The following FAM83G variants were observed in gnomAD, a reference collection of about 807,000 sequenced individuals.
FAM83G encodes the protein protein FAM83G.
A neutral mutation model predicts 61.5 loss-of-function variants in FAM83G; 38 were observed. The ratio of observed to expected loss-of-function variants is 0.62; its 90% CI spans 0.48 to 0.81. FAM83G has a LOEUF of 0.81. Among genes scored for constraint, FAM83G ranks in the 30% least tolerant of loss-of-function variants. FAM83G has a pLI of 0.00. For synonymous variants in FAM83G, 470 were observed against 476.1 expected, an observed-to-expected ratio of 0.99 and a Z score of 0.17; for missense variants, 989 against 1,133.6, an observed-to-expected ratio of 0.87 and a Z score of 1.83.
chr17:18,994,687 T>A (rs2472711), intron 2 of FAM83G, among the ~76,000 whole-genome samples: 1 of 151,776 alleles, frequency 6.6e-6, no homozygotes, highest in Non-Finnish European at 1.5e-5. Context: ...CTGCAGGGGG[T>A]GTCCTCAGAA....
At chr17:18,993,207 A>G (rs143152501) in intron 2 of FAM83G, among the ~76,000 whole-genome samples, 1 of 152,054 alleles carries the variant, frequency 6.6e-6, no homozygotes, top group East Asian at 1.9e-4. Context: ...CCTCTCCCCG[A>G]CGCGTCCTGC....
In FAM83G at chr17:18,969,150, C is replaced by G; in HGVS notation, c.*2209G>C. The G allele has an allele frequency of 6.2e-7, 1 of 1,613,692 alleles. No individual in the cohort carries two copies. ...CGCTCGGCATCACAGCCCTGTACAC[C>G]ATCGCAGGTATGGTGCCTGCAGCAG... On this transcript the variant is annotated 3_prime_UTR_variant, in exon 6 of 6. Transcript: ENST00000388995.
In FAM83G at chr17:19,004,054, C is replaced by T. The variant is rs746038121; in HGVS notation, c.-13G>A. The stretch of plus-strand genomic sequence containing the variant: ...GAGAGAAGGCCATGGCGCCGCCTGC[C>T]CGGGCACTGCTGCCGGGGGTGGGTG... On this transcript the variant is annotated 5_prime_UTR_variant, in exon 2 of 6. Coordinates refer to ENST00000388995, the MANE Select transcript of FAM83G (RefSeq NM_001039999.3). This position sits in a 1 kb window ranked among gnomAD's most constrained non-coding sequence, Gnocchi z 5.4. 13 of 1,569,002 alleles carry T rather than the reference C, an allele frequency of 8.3e-6. No individual in the cohort carries two copies. Among genetic ancestry groups the T allele is most frequent in the Non-Finnish European group, 1.1e-5 (13 of 1,155,732 alleles).
At chr17:18,982,815 C>A (rs965183148) in intron 3 of FAM83G, among the ~76,000 whole-genome samples, 1 of 152,234 alleles carries the variant, frequency 6.6e-6, no homozygotes, top group Non-Finnish European at 1.5e-5. Flanking sequence ...CATTCCTGAG[C>A]TCCAGTCAAA....
chr17:18,991,120 G>C (rs915861829), intron 2 of FAM83G, among the ~76,000 whole-genome samples: 8 of 152,250 alleles, frequency 5.3e-5, no homozygotes, highest in African/African-American at 1.9e-4. Context: ...CTGAAGCACA[G>C]AGGCATTCGC....
intron 2 of FAM83G, among the ~76,000 whole-genome samples, chr17:18,993,420 G>A (rs1052158783): frequency 1.3e-5 from 2 of 152,160 alleles, no homozygotes; most frequent in Non-Finnish European, 2.9e-5. Flanking sequence ...GGACTGAGTC[G>A]CAAGACTCGG....
At chr17:18,999,613 C>A (rs992890809) in intron 2 of FAM83G, among the ~76,000 whole-genome samples, 7 of 152,226 alleles carry the variant, frequency 4.6e-5, no homozygotes, top group African/African-American at 1.7e-4. Flanking sequence ...TGGCGCGGGG[C>A]TGGCATTTAG....
In FAM83G at chr17:19,004,139, C is replaced by T; in HGVS notation, c.-98G>A. On this transcript the variant is annotated 5_prime_UTR_variant, in exon 2 of 6. Coordinates refer to ENST00000388995, the MANE Select transcript of FAM83G (RefSeq NM_001039999.3). The surrounding 1 kb of genome is among the most constrained non-coding windows in gnomAD (Gnocchi z 5.4). The stretch of plus-strand genomic sequence containing the variant: ...GGCACCGCGCGCTCGGGGGCCTCTC[C>T]GCGGCCTCTGCTTCTCTGCCCATGA... 2 of 1,215,882 alleles carry T rather than the reference C, an allele frequency of 1.6e-6. No homozygotes were observed. The highest frequency in any genetic ancestry group is 2.5e-5 in the East Asian group (1 of 40,272). The allele number at this position is 1,215,882 out of a possible 1,614,324, so 75.3% of individuals were successfully genotyped here. A position where few individuals can be genotyped will look rare whatever the true frequency, so the allele number is the denominator to read the frequency against.
chr17:19,004,167 A>C lies in FAM83G; in HGVS notation c.-126T>G. ...GGCCTCTGCTTCTCTGCCCATGAGC[A>C]ATCTGCGGGAAAGACCTGATGAGCC... On this transcript the variant is annotated splice_region_variant and 5_prime_UTR_variant, in exon 2 of 6. The change creates a new upstream start codon in the 5' untranslated region. Transcript: ENST00000388995. The surrounding 1 kb of genome is among the most constrained non-coding windows in gnomAD (Gnocchi z 5.4). 6.4e-6 allele frequency: 6 copies of C among 937,204 alleles called. No individual in the cohort carries two copies. Among genetic ancestry groups the C allele is most frequent in the Non-Finnish European group, 9.2e-6 (6 of 649,282 alleles). 58.1% of individuals were successfully genotyped at this position (937,204 alleles called of 1,614,324 possible). A position where few individuals can be genotyped will look rare whatever the true frequency, so the allele number is the denominator to read the frequency against.
In FAM83G at chr17:18,978,802, C is replaced by T; in HGVS notation, c.864G>A (p.Leu288=). The T allele has an allele frequency of 2.5e-6, 4 of 1,612,976 alleles. No individual in the cohort carries two copies. Among genetic ancestry groups the T allele is most frequent in the African/African-American group, 2.7e-5 (2 of 75,026 alleles). Residue 288 remains leucine (L), a synonymous_variant, in exon 5 of 6, where the codon CTG becomes CTA. Coordinates refer to ENST00000388995, the MANE Select transcript of FAM83G (RefSeq NM_001039999.3). ...ARTDRNVISV[L]SGQVVEMFDR... ...CAAACATCTCCACCACCTGGCCAGA[C>T]AGCACAGAGATCACATTCCGGTCCG...
Position 19,003,820 on chromosome 17 carries a change from G to C in FAM83G, c.222C>G (p.Tyr74Ter). 1 of 1,612,892 alleles carries C rather than the reference G, an allele frequency of 6.2e-7. No individual in the cohort carries two copies. The highest frequency in any genetic ancestry group is 8.5e-7 in the Non-Finnish European group (1 of 1,179,890). The change falls in exon 2 of 6, where the codon TAC becomes TAG. Residue 74 changes from tyrosine to a stop codon, truncating the protein, a stop_gained. Coordinates refer to ENST00000388995, the MANE Select transcript of FAM83G (RefSeq NM_001039999.3). LOFTEE classifies it high-confidence loss of function. The surrounding 1 kb of genome is among the most constrained non-coding windows in gnomAD (Gnocchi z 4.5). The part of the protein sequence containing the change: ...LKRILETIEV[Y>*]DPGSEDPRGT... Reference sequence around the variant, plus strand: ...CCCGAGGGTCCTCAGAGCCCGGGTCGTACACCTCGATGGTCTCCAGGATGC... The same window carrying C: ...CCCGAGGGTCCTCAGAGCCCGGGTCCTACACCTCGATGGTCTCCAGGATGC...
intron 3 of FAM83G, among the ~76,000 whole-genome samples, chr17:18,982,646 C>G (rs960932258): frequency 6.6e-6 from 1 of 152,192 alleles, no homozygotes; most frequent in Non-Finnish European, 1.5e-5. Flanking sequence ...AAGGTGGGGG[C>G]TCCAGGGCTG....
At chr17:19,001,842 T>C (rs2043736617) in intron 2 of FAM83G, among the ~76,000 whole-genome samples, 1 of 152,230 alleles carries the variant, frequency 6.6e-6, no homozygotes, top group Admixed American at 6.5e-5. Flanking sequence ...TGTTCCCATC[T>C]GCCTCCTTCC....
Position 18,978,464 on chromosome 17 carries a change from T to G in FAM83G, c.1202A>C (p.His401Pro). The change falls in exon 5 of 6, where the codon CAC (histidine) becomes CCC (proline). Residue 401 changes from histidine to proline, a missense_variant. His to Pro is a moderately conservative substitution (Grantham distance 77). This residue lies in a region of FAM83G where 574 missense variants were observed against 645.1 expected (regional missense o/e 0.89). Transcript: ENST00000388995. ...CTCAAACATGTTGGCCCTCTCCAGG[T>G]GAAGCAGTCCTGGGTGGATGGGTGG... ...LLPPIHPGLL[H>P]LERANMFEYL... 6.2e-7 allele frequency: 1 copy of G among 1,609,714 alleles called. No homozygotes were observed. The highest frequency in any genetic ancestry group is 8.5e-7 in the Non-Finnish European group (1 of 1,178,196).
chr17:18,969,143 T>C lies in FAM83G; in HGVS notation c.*2216A>G, dbSNP rs746241513. On this transcript the variant is annotated 3_prime_UTR_variant, in exon 6 of 6. Coordinates refer to ENST00000388995, the MANE Select transcript of FAM83G (RefSeq NM_001039999.3). ...ATCCTCACGCTCGGCATCACAGCCC[T>C]GTACACCATCGCAGGTATGGTGCCT... is the stretch of plus-strand genomic sequence containing the variant. 2 of 1,613,848 alleles carry C rather than the reference T, an allele frequency of 1.2e-6. No individual in the cohort carries two copies. Among genetic ancestry groups the C allele is most frequent in the Non-Finnish European group, 1.7e-6 (2 of 1,179,948 alleles).
rs372204435 is a variant in FAM83G, at chr17:18,992,689, G to A, written c.523-4275C>T. Among the ~76,000 whole-genome samples, 13 of 152,332 alleles carry A rather than the reference G, an allele frequency of 8.5e-5. 1 individual carries two copies. The highest frequency in any genetic ancestry group is 5.2e-4 in the Admixed American group (8 of 15,312). ...TGGGCTTTGGGTGAGCCACACCTGC[G>A]TTCCAGGTCTCAGTTTCTTCACCTG... On this transcript the variant is annotated intron_variant, in intron 2 of 5. Transcript: ENST00000388995.
In FAM83G at chr17:18,977,630, G is replaced by A. The variant is rs182384089; in HGVS notation, c.2036C>T (p.Ala679Val). 1.2e-4 allele frequency: 187 copies of A among 1,609,636 alleles called. No homozygotes were observed. The African/African-American group carries it at 1.9e-3, about 16-fold the overall frequency. ...AQSRGREEAD[A>V]LKRMQAQRST... ...GCGCTGGGCCTGCATCCTCTTCAAC[G>A]CATCTGCTTCTTCTCTTCCCCGACT... is the stretch of plus-strand genomic sequence containing the variant. The change falls in exon 5 of 6, where the codon GCG becomes GTG. Residue 679 changes from alanine (A) to valine (V), a missense_variant. This residue lies in a region of FAM83G where 574 missense variants were observed against 645.1 expected (regional missense o/e 0.89). Coordinates refer to ENST00000388995, the MANE Select transcript of FAM83G (RefSeq NM_001039999.3).
Position 19,004,201 on chromosome 17 carries a change from C to G in FAM83G, c.-128-32G>C, listed in dbSNP as rs1299678403. On this transcript the variant is annotated intron_variant, in intron 1 of 5. Transcript: ENST00000388995. The surrounding 1 kb of genome is among the most constrained non-coding windows in gnomAD (Gnocchi z 5.4). ...GAAAGACCTGATGAGCCCGGCTCGG[C>G]GGGGAGGGCGGGCCGCGCGGGGAGG... 11 of 188,800 alleles carry G rather than the reference C, an allele frequency of 5.8e-5. No homozygotes were observed. The highest frequency in any genetic ancestry group is 2.0e-3 in the Middle Eastern group (1 of 504). The allele number at this position is 188,800 out of a possible 1,614,324, so 11.7% of individuals were successfully genotyped here.
chr17:18,977,240 G>A (rs1285677428), intron 5 of FAM83G: 8 of 599,840 alleles, frequency 1.3e-5, no homozygotes, highest in East Asian at 2.9e-5. Context: ...CCTGTGCCCC[G>A]CCTTTTCCTC....
Sources: gnomAD v4.1 joint callset for allele counts (sites outside exome capture counted in the v4.1 genomes callset) on GRCh38, gnomAD v4.1.1 for gene constraint, gnomAD v4.1.1 regional missense constraint, Gnocchi (gnomAD v3.1) non-coding constraint, MANE v1.5 for transcripts, NCBI Gene and HGNC (gene_info 2026-07-23, HGNC 2026-07-21) for gene names.